CADPS: variants seen among roughly 807,000 people sequenced by gnomAD.
CADPS encodes the protein calcium dependent secretion activator.
Under a neutral mutation model 167.3 loss-of-function variants are expected in CADPS, and 57 were observed. That is an observed-to-expected ratio of 0.34 (90% CI 0.28 to 0.42). The LOEUF (loss-of-function observed/expected upper bound fraction) is 0.42, where lower values mean the gene tolerates loss of function less well. Among genes scored for constraint, CADPS ranks in the 20% least tolerant of loss-of-function variants. CADPS has a pLI of 1.00. For missense variants in CADPS, 1,414 were observed against 1,738.1 expected, an observed-to-expected ratio of 0.81 and a Z score of 3.32; for synonymous variants, 676 against 635.3, an observed-to-expected ratio of 1.06 and a Z score of -0.96.
intron 3 of CADPS, among the ~76,000 whole-genome samples, chr3:62,673,307 CA>C (rs2075849751): frequency 6.6e-6 from 1 of 152,084 alleles, no homozygotes; most frequent in Non-Finnish European, 1.5e-5. Flanking sequence ...AATAGGTGCT[CA>C]AATCATGACC....
intron 2 of CADPS, among the ~76,000 whole-genome samples, chr3:62,765,310 A>G (rs1035767953): frequency 6.6e-6 from 1 of 152,232 alleles, no homozygotes; most frequent in African/African-American, 2.4e-5. Flanking sequence ...ATACATACTC[A>G]GAACATATTC....
chr3:62,867,018 A>G (rs2081824688), intron 1 of CADPS, among the ~76,000 whole-genome samples: 2 of 152,068 alleles, frequency 1.3e-5, no homozygotes, highest in Non-Finnish European at 2.9e-5. Flanking sequence ...GTCTTACTCT[A>G]TCTAGATATA....
At chr3:62,743,666 C>T (rs1305034101) in intron 3 of CADPS, among the ~76,000 whole-genome samples, 1 of 152,140 alleles carries the variant, frequency 6.6e-6, no homozygotes, top group Non-Finnish European at 1.5e-5. Flanking sequence ...GACTGCAGGG[C>T]TTTGTTAACT....
At position 62,421,624 on chromosome 3, in the gene CADPS, G is replaced by A. The variant is rs945087099; in HGVS notation, c.3777+16480C>T. Among the ~76,000 whole-genome samples the A allele has an allele frequency of 9.2e-5, 14 of 152,184 alleles. No individual in the cohort carries two copies. Among genetic ancestry groups the A allele is most frequent in the Non-Finnish European group, 1.6e-4 (11 of 68,042 alleles). ...CTTTATTTTAACTTTGATTGGCTTCGTTCCCCCACCCCTCCTGACGCTTCC... is the reference window on the plus strand; with the variant it reads ...CTTTATTTTAACTTTGATTGGCTTCATTCCCCCACCCCTCCTGACGCTTCC... On this transcript the variant is annotated intron_variant, in intron 28 of 29. Transcript: ENST00000383710. The surrounding 1 kb of genome is among the most constrained non-coding windows in gnomAD (Gnocchi z 4.7).
In CADPS at chr3:62,650,784, C is replaced by A. The variant is rs1475804208; in HGVS notation, c.1203+63G>T. On this transcript the variant is annotated intron_variant, in intron 5 of 29. Coordinates refer to ENST00000383710, the MANE Select transcript of CADPS (RefSeq NM_003716.4). ...CAGAAAAAACAAGCTGATTGTGACG[C>A]ATCTAATCGCCCATGTCCTACTTGC... is the stretch of plus-strand genomic sequence containing the variant. 6 of 1,183,464 alleles carry A rather than the reference C, an allele frequency of 5.1e-6. No homozygotes were observed. The African/African-American group carries it at 9.1e-5, about 18-fold the overall frequency. The allele number at this position is 1,183,464 out of a possible 1,614,324, so 73.3% of individuals were successfully genotyped here.
chr3:62,467,072 G>A (rs1037021537), intron 24 of CADPS, among the ~76,000 whole-genome samples: 1 of 152,118 alleles, frequency 6.6e-6, no homozygotes, highest in Admixed American at 6.5e-5. Flanking sequence ...CTCTAACTGT[G>A]CCTGTCAATT....
chr3:62,698,433 T>A (rs1015930189), intron 3 of CADPS, among the ~76,000 whole-genome samples: 1 of 152,060 alleles, frequency 6.6e-6, no homozygotes, highest in Non-Finnish European at 1.5e-5. Context: ...GGTACGATGT[T>A]TTGTGTAGGC....
Position 62,706,432 on chromosome 3 carries a change from A to G in CADPS, c.889-44038T>C, listed in dbSNP as rs185372672. Among the ~76,000 whole-genome samples the G allele has an allele frequency of 5.3e-5, 8 of 152,178 alleles. No homozygotes were observed. In the East Asian group the frequency reaches 1.4e-3, roughly 26 times the overall value. On this transcript the variant is annotated intron_variant, in intron 3 of 29. Transcript: ENST00000383710. ...CACTCGTGAAGGTGGAGGCCTCCCT[A>G]TCTTGAAATAGGAGAGAAAAGAACT...
At chr3:62,764,249 C>G (rs570086400) in intron 2 of CADPS, among the ~76,000 whole-genome samples, 2 of 152,084 alleles carry the variant, frequency 1.3e-5, no homozygotes, top group Admixed American at 6.6e-5. Context: ...TAAACAAAAC[C>G]TTAGTTAAAT....
intron 1 of CADPS, among the ~76,000 whole-genome samples, chr3:62,771,908 G>A (rs1289074178): frequency 1.3e-5 from 2 of 152,192 alleles, no homozygotes; most frequent in Admixed American, 6.5e-5. Flanking sequence ...TGTTCTAAGT[G>A]TCGGTCTCAG....
rs1358809458 is a variant in CADPS, at chr3:62,446,833, T to C, written c.3637-1036A>G. 2.0e-5 allele frequency among the ~76,000 whole-genome samples: 3 copies of C among 152,136 alleles called. No homozygotes were observed. Among genetic ancestry groups the C allele is most frequent in the African/African-American group, 7.2e-5 (3 of 41,440 alleles). ...CACAATTAAGACTAAGGAGCTACATTTGGGGTCAGAGAGGGTTTCCTGTTT... is the reference window on the plus strand; with the variant it reads ...CACAATTAAGACTAAGGAGCTACATCTGGGGTCAGAGAGGGTTTCCTGTTT... On this transcript the variant is annotated intron_variant, in intron 26 of 29. Coordinates refer to ENST00000383710, the MANE Select transcript of CADPS (RefSeq NM_003716.4). This position sits in a 1 kb window ranked among gnomAD's most constrained non-coding sequence, Gnocchi z 4.9.
intron 3 of CADPS, among the ~76,000 whole-genome samples, chr3:62,732,951 T>A (rs1206497460): frequency 2.6e-5 from 4 of 152,216 alleles, no homozygotes; most frequent in African/African-American, 9.6e-5. Flanking sequence ...AGGGTGTGTG[T>A]CTATTTCCAG....
chr3:62,535,054 CA>C (rs1036410843), intron 12 of CADPS, among the ~76,000 whole-genome samples: 2 of 151,678 alleles, frequency 1.3e-5, no homozygotes, highest in Admixed American at 6.6e-5. Flanking sequence ...TAATATACCT[CA>C]AAAAAATTCC....
intron 21 of CADPS, among the ~76,000 whole-genome samples, chr3:62,482,623 A>G (rs1159784645): frequency 2.0e-5 from 3 of 152,354 alleles, no homozygotes; most frequent in Admixed American, 1.3e-4. Context: ...ACAATCCCCA[A>G]TTCAGCTCTT....
chr3:62,672,225 C>A (rs1173278761), intron 3 of CADPS, among the ~76,000 whole-genome samples: 2 of 152,168 alleles, frequency 1.3e-5, no homozygotes, highest in East Asian at 3.9e-4. Context: ...CACCCTGGGA[C>A]AGTTTTGATT....
chr3:62,577,200 T>C (rs1339802375), intron 8 of CADPS, among the ~76,000 whole-genome samples: 1 of 152,174 alleles, frequency 6.6e-6, no homozygotes, highest in African/African-American at 2.4e-5. Context: ...TTGTAACTTT[T>C]CATTTGAATA....
At chr3:62,795,840 G>T (rs2093366326) in intron 1 of CADPS, among the ~76,000 whole-genome samples, 1 of 152,206 alleles carries the variant, frequency 6.6e-6, no homozygotes, top group African/African-American at 2.4e-5. Flanking sequence ...TGAAAAAGGA[G>T]CTGATTGCTG....
At chr3:62,596,088 TACACACACACACACAC>T (rs56780830) in intron 6 of CADPS, among the ~76,000 whole-genome samples, 47,321 of 135,746 alleles carry the variant, frequency 0.35, 8,522 homozygotes, top group Non-Finnish European at 0.41. Flanking sequence ...TATATATGTA[TACACACACACACACAC>T]ACACACACAC....
chr3:62,705,850 C>A (rs2151665808), intron 3 of CADPS, among the ~76,000 whole-genome samples: 1 of 152,282 alleles, frequency 6.6e-6, no homozygotes, highest in South Asian at 2.1e-4. Flanking sequence ...AGAACACTGA[C>A]TAATACACTG....
Sources: allele counts gnomAD v4.1 joint callset (sites outside exome capture counted in the v4.1 genomes callset), GRCh38; gene constraint gnomAD v4.1.1; non-coding constraint Gnocchi (gnomAD v3.1); transcripts MANE v1.5; gene names NCBI Gene and HGNC (gene_info 2026-07-23, HGNC 2026-07-21).